Variants in TBC1D5 observed in about 807,000 individuals in gnomAD.
TBC1D5 encodes the protein TBC1 domain family member 5.
TBC1D5 carries 75 observed loss-of-function variants against 100.3 expected under a neutral mutation model. The observed-to-expected ratio is 0.75, with a 90% CI of 0.62 to 0.91. TBC1D5 has a LOEUF of 0.91. Ranked by LOEUF, TBC1D5 falls within the 40% of genes least tolerant of loss-of-function variation. TBC1D5 has a pLI of 0.00. For synonymous variants in TBC1D5, 323 were observed against 325.6 expected, an observed-to-expected ratio of 0.99 and a Z score of 0.09; for missense variants, 910 against 942.4, an observed-to-expected ratio of 0.97 and a Z score of 0.45.
chr3:17,479,384 G>C (rs1416207897), intron 3 of TBC1D5, among the ~76,000 whole-genome samples: 1 of 152,106 alleles, frequency 6.6e-6, no homozygotes, highest in Non-Finnish European at 1.5e-5. Context: ...GCCTGGGTGA[G>C]AGACACCCCA....
At chr3:17,178,813 AT>A (rs201578956) in intron 19 of TBC1D5, among the ~76,000 whole-genome samples, 235 of 146,438 alleles carry the variant, frequency 1.6e-3, no homozygotes, top group East Asian at 2.6e-3. Flanking sequence ...CTAATTTTTA[AT>A]TTTTTTTTTT....
chr3:17,296,200 T>C (rs1235145504), intron 14 of TBC1D5, among the ~76,000 whole-genome samples: 1 of 152,210 alleles, frequency 6.6e-6, no homozygotes, highest in Non-Finnish European at 1.5e-5. Context: ...ATGGATTAAG[T>C]ATAAAATAAA....
chr3:17,402,595 G>A (rs1346357497), intron 8 of TBC1D5, among the ~76,000 whole-genome samples: 1 of 152,036 alleles, frequency 6.6e-6, no homozygotes, highest in East Asian at 1.9e-4. Context: ...CGTTAGTTAC[G>A]ACTCTATGAT....
intron 4 of TBC1D5, among the ~76,000 whole-genome samples, chr3:17,428,216 TG>T (rs2094378770): frequency 6.6e-6 from 1 of 151,810 alleles, no homozygotes; most frequent in East Asian, 1.9e-4. Context: ...CTGCAGTAAG[TG>T]CATTTACTCA....
At chr3:17,198,115 C>A (rs958410309) in intron 18 of TBC1D5, among the ~76,000 whole-genome samples, 4 of 152,194 alleles carry the variant, frequency 2.6e-5, no homozygotes, top group Admixed American at 2.6e-4. Context: ...ATATTTTTTT[C>A]CAGAAAGGTA....
intron 2 of TBC1D5, among the ~76,000 whole-genome samples, chr3:17,509,184 A>T (rs1361928744): frequency 1.3e-5 from 2 of 151,922 alleles, no homozygotes; most frequent in African/African-American, 4.8e-5. Flanking sequence ...GAAAAAAACA[A>T]TTGTGTGTCT....
chr3:17,360,820 A>G (rs1406720903), intron 13 of TBC1D5, among the ~76,000 whole-genome samples: 1 of 152,032 alleles, frequency 6.6e-6, no homozygotes, highest in Non-Finnish European at 1.5e-5. Context: ...GAAGGTAAAT[A>G]CTTTGGAAGT....
chr3:17,346,435 TCA>T (rs1342731192), intron 13 of TBC1D5, among the ~76,000 whole-genome samples: 7 of 152,180 alleles, frequency 4.6e-5, no homozygotes, highest in African/African-American at 1.7e-4. Flanking sequence ...ATTTTTCTAT[TCA>T]GTTACTAATC....
chr3:17,452,038 T>C (rs985373436), intron 3 of TBC1D5, among the ~76,000 whole-genome samples: 6 of 152,240 alleles, frequency 3.9e-5, no homozygotes, highest in African/African-American at 1.4e-4. Flanking sequence ...AGAGTTTTTA[T>C]TGCTTTTTTT....
intron 21 of TBC1D5, among the ~76,000 whole-genome samples, chr3:17,164,429 C>T (rs531114242): frequency 2.6e-5 from 4 of 152,342 alleles, no homozygotes; most frequent in Non-Finnish European, 5.9e-5. Context: ...GCTTACATCT[C>T]CAATGTGTCA....
At chr3:17,586,040 T>G (rs1184989793) in intron 2 of TBC1D5, among the ~76,000 whole-genome samples, 1 of 152,142 alleles carries the variant, frequency 6.6e-6, no homozygotes, top group Non-Finnish European at 1.5e-5. Flanking sequence ...TGCTAAAGTC[T>G]GCTGGTGGGA....
chr3:17,655,935 C>G (rs1454527488), intron 1 of TBC1D5, among the ~76,000 whole-genome samples: 2 of 152,104 alleles, frequency 1.3e-5, no homozygotes, highest in Non-Finnish European at 2.9e-5. Flanking sequence ...ACTTTCAGCC[C>G]CCAGAAAAGA....
At chr3:17,443,596 G>A (rs963047666) in intron 3 of TBC1D5, among the ~76,000 whole-genome samples, 1 of 152,142 alleles carries the variant, frequency 6.6e-6, no homozygotes, top group African/African-American at 2.4e-5. Context: ...TTTGGCTTAC[G>A]TAAACTCTAA....
At chr3:17,322,284 ATGTTTC>A (rs1279021292) in intron 13 of TBC1D5, among the ~76,000 whole-genome samples, 3 of 152,068 alleles carry the variant, frequency 2.0e-5, no homozygotes, top group Non-Finnish European at 2.9e-5. Context: ...TTTGTTTTCA[ATGTTTC>A]TGTTTCTGTT....
intron 15 of TBC1D5, among the ~76,000 whole-genome samples, chr3:17,268,764 C>T (rs576520029): frequency 6.6e-6 from 1 of 151,976 alleles, no homozygotes; most frequent in East Asian, 1.9e-4. Flanking sequence ...TAAATTTTTC[C>T]CATCCAACTT....
intron 1 of TBC1D5, among the ~76,000 whole-genome samples, chr3:17,725,592 C>T (rs530198257): frequency 6.6e-6 from 1 of 152,032 alleles, no homozygotes; most frequent in South Asian, 2.1e-4. Context: ...CCTTGTGAGG[C>T]CTTCAAAAGC....
At chr3:17,609,633 T>C (rs894116232) in intron 2 of TBC1D5, among the ~76,000 whole-genome samples, 1 of 152,170 alleles carries the variant, frequency 6.6e-6, no homozygotes, top group Non-Finnish European at 1.5e-5. Context: ...CATAGTCCCA[T>C]TCAAATTTCA....
At chr3:17,287,099 TTAAC>T (rs1463493053) in intron 15 of TBC1D5, among the ~76,000 whole-genome samples, 2 of 152,222 alleles carry the variant, frequency 1.3e-5, no homozygotes, top group African/African-American at 4.8e-5. Flanking sequence ...GTATAATTAA[TTAAC>T]TATCTTGATA....
intron 15 of TBC1D5, among the ~76,000 whole-genome samples, chr3:17,279,976 G>A (rs1056990443): frequency 1.3e-5 from 2 of 152,128 alleles, no homozygotes; most frequent in Non-Finnish European, 2.9e-5. Flanking sequence ...AATGAACATC[G>A]ACTTCTCCTC....
Sources: gnomAD v4.1 joint callset for allele counts (sites outside exome capture counted in the v4.1 genomes callset) on GRCh38, gnomAD v4.1.1 for gene constraint, MANE v1.5 for transcripts, NCBI Gene and HGNC (gene_info 2026-07-23, HGNC 2026-07-21) for gene names.